CACNA2D4: variants seen among roughly 807,000 people sequenced by gnomAD.
CACNA2D4 encodes voltage-dependent calcium channel subunit alpha-2/delta-4.
In CACNA2D4, 157 loss-of-function variants were observed where a neutral mutation model predicts 163.8. The observed-to-expected ratio is 0.96, with a 90% confidence interval of 0.84 to 1.09. The LOEUF is 1.09. CACNA2D4 is among the 50% of genes least tolerant of loss of function. The probability of loss-of-function intolerance (pLI) is 0.00; values close to 1 mark genes in which losing one functional copy is unlikely to be tolerated. For synonymous variants in CACNA2D4, 598 were observed against 586.9 expected, an observed-to-expected ratio of 1.02 and a Z score of -0.27; for missense variants, 1,410 against 1,479.9, an observed-to-expected ratio of 0.95 and a Z score of 0.78.
chr12:1,916,270 T>C (rs1008216341), intron 1 of CACNA2D4, among the ~76,000 whole-genome samples: 2 of 152,086 alleles, frequency 1.3e-5, no homozygotes, highest in African/African-American at 4.8e-5. Context: ...AATGTGAGGT[T>C]CCCGTTGTAG....
chr12:1,811,481 G>A (rs913075441), intron 27 of CACNA2D4, among the ~76,000 whole-genome samples, 181 bp downstream of exon 27: 1 of 152,204 alleles, frequency 6.6e-6, no homozygotes, highest in African/African-American at 2.4e-5. Flanking sequence ...GCAGGGGCTG[G>A]GGACCAGCGC....
At chr12:1,858,485 A>G (rs773701954) in intron 20 of CACNA2D4, 92 bp downstream of exon 20, 34 of 1,127,166 alleles carry the variant, frequency 3.0e-5, no homozygotes, top group East Asian at 1.3e-4. Context: ...AGGCTGTCAC[A>G]CTGGCTCTGG....
intron 26 of CACNA2D4, among the ~76,000 whole-genome samples, chr12:1,839,041 C>T (rs1251711333): frequency 6.6e-6 from 1 of 152,200 alleles, no homozygotes; most frequent in Non-Finnish European, 1.5e-5. Context: ...CCATTCTCCC[C>T]CCGTCGCTTA....
chr12:1,808,475 C>A (rs1055053424), intron 29 of CACNA2D4, among the ~76,000 whole-genome samples: 2 of 152,240 alleles, frequency 1.3e-5, no homozygotes, highest in Non-Finnish European at 2.9e-5. Flanking sequence ...GCTCACAGAT[C>A]GCCCATGGCT....
chr12:1,813,358 C>A (rs1371261342), intron 26 of CACNA2D4, among the ~76,000 whole-genome samples: 2 of 152,064 alleles, frequency 1.3e-5, no homozygotes, highest in African/African-American at 2.4e-5. Context: ...AGTCCAGGCA[C>A]TATATTTAGG....
chr12:1,888,480 A>G (rs1866204029), intron 6 of CACNA2D4, among the ~76,000 whole-genome samples: 1 of 152,234 alleles, frequency 6.6e-6, no homozygotes, highest in Non-Finnish European at 1.5e-5. Flanking sequence ...AGCTGGATAT[A>G]GCTTCTCAAG....
chr12:1,828,047 C>A lies in CACNA2D4; in HGVS notation c.2551+12692G>T. On this transcript the variant is annotated intron_variant, in intron 26 of 37. Transcript: ENST00000382722. The surrounding 1 kb of genome is among the most constrained non-coding windows in gnomAD (Gnocchi z 4.2). The stretch of plus-strand genomic sequence containing the variant: ...GGCTGGAACGGGGCTCCCGCGCCTG[C>A]CTGTGCTCAGTGCTCCTCCCTCCCT... 2 of 1,169,376 alleles carry A rather than the reference C, an allele frequency of 1.7e-6. No individual in the cohort carries two copies. Among genetic ancestry groups the A allele is most frequent in the Non-Finnish European group, 2.3e-6 (2 of 871,276 alleles). 72.4% of individuals were successfully genotyped at this position (1,169,376 alleles called of 1,614,324 possible).
intron 26 of CACNA2D4, chr12:1,836,797 G>C (rs904080678): frequency 6.5e-6 from 1 of 152,728 alleles, no homozygotes; most frequent in East Asian, 1.9e-4. Flanking sequence ...GGTGCCAGGA[G>C]AGTTGCTTCC....
rs1413250024 is a variant in CACNA2D4, at chr12:1,856,027, C to T, written c.2137G>A (p.Asp713Asn). Residue 713 changes from aspartate (D) to asparagine (N), a missense_variant, in exon 22 of 38, where the codon GAC becomes AAC. Physicochemically the swap from Asp to Asn is conservative, Grantham distance 23 (BLOSUM62 1). Coordinates refer to ENST00000382722, the MANE Select transcript of CACNA2D4 (RefSeq NM_172364.5). ...CAGCACTCACACTCCAGGTCTGGGT[C>T]CTTCCTGGTGAGGAAGCGGATCATG... ...EAMIRFLTRK[D>N]PDLECDEELV... The T allele has an allele frequency of 1.2e-6, 2 of 1,613,418 alleles. No homozygotes were observed. Among genetic ancestry groups the T allele is most frequent in the Admixed American group, 1.7e-5 (1 of 60,008 alleles).
At chr12:1,795,553 T>C in intron 36 of CACNA2D4, 115 bp downstream of exon 36, 1 of 836,654 alleles carries the variant, frequency 1.2e-6, no homozygotes, top group Non-Finnish European at 1.8e-6. Flanking sequence ...AACGGAGCCC[T>C]GTGGAGGACA....
At chr12:1,898,548 T>A (rs1161035872) in intron 6 of CACNA2D4, among the ~76,000 whole-genome samples, 1 of 147,884 alleles carries the variant, frequency 6.8e-6, no homozygotes, top group Non-Finnish European at 1.5e-5. Context: ...CCCATTAGGA[T>A]GGCTACTACC....
Position 1,875,679 on chromosome 12 carries a change from C to A in CACNA2D4, c.1720-342G>T, listed in dbSNP as rs897182631. On this transcript the variant is annotated intron_variant, in intron 16 of 37. Coordinates refer to ENST00000382722, the MANE Select transcript of CACNA2D4 (RefSeq NM_172364.5). This position sits in a 1 kb window ranked among gnomAD's most constrained non-coding sequence, Gnocchi z 4.0. ...AATCCATCTCCCTGTTACTTCCATC[C>A]ACTGATCTTCCTTCTTTCCCCTGGA... Among the ~76,000 whole-genome samples, 1 of 152,184 alleles carries A rather than the reference C, an allele frequency of 6.6e-6. No homozygotes were observed. The highest frequency in any genetic ancestry group is 2.4e-5 in the African/African-American group (1 of 41,426).
intron 26 of CACNA2D4, among the ~76,000 whole-genome samples, chr12:1,824,786 C>T (rs148727172): frequency 1.3e-5 from 2 of 152,282 alleles, no homozygotes; most frequent in African/African-American, 4.8e-5. Context: ...TGGATGGAGG[C>T]GTGTTGGTAG....
chr12:1,884,832 A>G lies in CACNA2D4; in HGVS notation c.1208T>C (p.Ile403Thr). 1.2e-6 allele frequency: 2 copies of G among 1,613,824 alleles called. No individual in the cohort carries two copies. Among genetic ancestry groups the G allele is most frequent in the Non-Finnish European group, 1.7e-6 (2 of 1,179,842 alleles). The change falls in exon 11 of 38, where the codon ATC (isoleucine) becomes ACC (threonine). Residue 403 changes from isoleucine (I) to threonine (T), a missense_variant. By Grantham distance (89) the Ile-to-Thr change is moderately conservative (BLOSUM62 -1). Coordinates refer to ENST00000382722, the MANE Select transcript of CACNA2D4 (RefSeq NM_172364.5). ...GSLCNQAIML[I>T]SDGAVEDYEP... is the part of the protein sequence containing the mutation. The stretch of plus-strand genomic sequence containing the variant: ...GTAGTCCTCCACGGCGCCGTCGCTG[A>G]TGAGCATGATGGCCTGGTTGCAGAG...
intron 23 of CACNA2D4, among the ~76,000 whole-genome samples, chr12:1,852,771 G>T (rs1865313214): frequency 6.6e-6 from 1 of 152,194 alleles, no homozygotes; most frequent in African/African-American, 2.4e-5. Context: ...CTCTGTAGAA[G>T]GCACAACAGT....
chr12:1,799,864 C>T lies in CACNA2D4; in HGVS notation c.2974+136G>A, dbSNP rs115950395. 8.6e-5 allele frequency: 108 copies of T among 1,258,990 alleles called. No individual in the cohort carries two copies. The African/African-American group carries it at 1.4e-3, about 16-fold the overall frequency. 78.0% of individuals were successfully genotyped at this position (1,258,990 alleles called of 1,614,324 possible). A position where few individuals can be genotyped will look rare whatever the true frequency, so the allele number is the denominator to read the frequency against. Reference sequence around the variant, plus strand: ...AGGGATGTGATGAGAGAAGGCCACGCAGGGTGAGATGTGAACAACGATGCT... The same window carrying T: ...AGGGATGTGATGAGAGAAGGCCACGTAGGGTGAGATGTGAACAACGATGCT... On this transcript the variant is annotated intron_variant, in intron 33 of 37. Transcript: ENST00000382722. The surrounding 1 kb of genome is among the most constrained non-coding windows in gnomAD (Gnocchi z 4.7).
intron 18 of CACNA2D4, among the ~76,000 whole-genome samples, chr12:1,870,576 G>A (rs972176366): frequency 6.6e-6 from 1 of 151,924 alleles, no homozygotes; most frequent in African/African-American, 2.4e-5. Context: ...TGATTCAAGG[G>A]TTGTTGCTGC....
rs116511283 is a variant in CACNA2D4, at chr12:1,875,881, C to T, written c.1720-544G>A. ...AAAATGGAGTTCCCAGGACAAAAGC[C>T]AACCTTCCAAATGGGGTCTGACCAG... is the stretch of plus-strand genomic sequence containing the variant. On this transcript the variant is annotated intron_variant, in intron 16 of 37. Coordinates refer to ENST00000382722, the MANE Select transcript of CACNA2D4 (RefSeq NM_172364.5). This position sits in a 1 kb window ranked among gnomAD's most constrained non-coding sequence, Gnocchi z 4.0. Among the ~76,000 whole-genome samples, 1,468 of 152,312 alleles carry T rather than the reference C, an allele frequency of 9.6e-3. 28 individuals carry two copies. The highest frequency in any genetic ancestry group is 0.032 in the African/African-American group (1,344 of 41,548).
intron 26 of CACNA2D4, among the ~76,000 whole-genome samples, chr12:1,830,033 C>T (rs915077257): frequency 1.3e-5 from 2 of 152,192 alleles, no homozygotes; most frequent in African/African-American, 2.4e-5. Context: ...ACCCCATGCT[C>T]GCTACGCAGA....
Sources: gnomAD v4.1 joint callset for allele counts (sites outside exome capture counted in the v4.1 genomes callset) on GRCh38, gnomAD v4.1.1 for gene constraint, Gnocchi (gnomAD v3.1) non-coding constraint, MANE v1.5 for transcripts, NCBI Gene and HGNC (gene_info 2026-07-23, HGNC 2026-07-21) for gene names.